The following PREX1 variants were observed in gnomAD, a reference collection of about 807,000 sequenced individuals.
The protein encoded by PREX1 is phosphatidylinositol 3,4,5-trisphosphate-dependent Rac exchanger 1 protein.
A neutral mutation model predicts 198.3 loss-of-function variants in PREX1; 41 were observed. That is an observed-to-expected ratio of 0.21 (90% CI 0.16 to 0.27). The LOEUF (loss-of-function observed/expected upper bound fraction) is 0.27, where lower values mean the gene tolerates loss of function less well. Among genes scored for constraint, PREX1 ranks in the 10% least tolerant of loss-of-function variants. The pLI is 1.00. For synonymous variants in PREX1, 843 were observed against 887.2 expected (o/e 0.95, Z 0.89); for missense variants, 1,620 against 2,200.7 (o/e 0.74, Z 5.28).
At position 48,815,722 on chromosome 20, in the gene PREX1, G is replaced by A. The variant is rs548981498; in HGVS notation, c.219+11920C>T. On this transcript the variant is annotated intron_variant, in intron 1 of 39. Transcript: ENST00000371941. ...AAATCATTTCAAGAGATGCTGGGGC[G>A]GCCGGGCACAGTGGCTCATTGCCTG... 1.5e-4 allele frequency among the ~76,000 whole-genome samples: 23 copies of A among 152,030 alleles called. No individual in the cohort carries two copies. In the East Asian group the frequency reaches 3.7e-3, roughly 24 times the overall value.
the PREX1 span, among the ~76,000 whole-genome samples, chr20:48,857,972 A>G: frequency 6.6e-6 from 1 of 152,254 alleles, no homozygotes; most frequent in Non-Finnish European, 1.5e-5. Context: ...GCCTTGGAGC[A>G]GCAAAAAGGA....
intron 1 of PREX1, among the ~76,000 whole-genome samples, chr20:48,791,156 C>T (rs1186265655): frequency 6.6e-6 from 1 of 152,174 alleles, no homozygotes; most frequent in East Asian, 1.9e-4. Flanking sequence ...CATGCACACA[C>T]ACACACACAC....
intron 24 of PREX1, 147 bp downstream of exon 24, chr20:48,649,849 G>GCT: frequency 9.9e-7 from 1 of 1,007,842 alleles, no homozygotes; most frequent in Non-Finnish European, 1.5e-6. Flanking sequence ...CACATCTAGA[G>GCT]ATGCTGTCCC....
rs753918199 is a variant in PREX1 at position 48,734,536 on chromosome 20, G to A, written c.519+10C>T. ...TGCAAGGGAGCACCAGGGCTGACGG[G>A]TCAACTTACCAAAAGGAAGGCGCGC... On this transcript the variant is annotated intron_variant, in intron 4 of 39. Transcript: ENST00000371941. 9 of 1,612,420 alleles carry A rather than the reference G, an allele frequency of 5.6e-6. No individual in the cohort carries two copies. The highest frequency in any genetic ancestry group is 2.2e-5 in the South Asian group (2 of 91,044).
At chr20:48,679,502 G>A (rs1404030792) in intron 12 of PREX1, 93 bp from the exon 13 acceptor site, 1 of 1,441,394 alleles carries the variant, frequency 6.9e-7, no homozygotes, top group African/African-American at 1.4e-5. Flanking sequence ...TTCCAGGACG[G>A]GGCAGGGCAG....
Position 48,744,067 on chromosome 20 carries a change from G to C in PREX1, c.414+958C>G, listed in dbSNP as rs190266277. ...AGTGGCCGAGTGCTGATACACCAAAGTTTCTCCACCTTGGCACCACTGACA... is the reference window on the plus strand; with the variant it reads ...AGTGGCCGAGTGCTGATACACCAAACTTTCTCCACCTTGGCACCACTGACA... On this transcript the variant is annotated intron_variant, in intron 3 of 39. Coordinates refer to ENST00000371941, the MANE Select transcript of PREX1 (RefSeq NM_020820.4). Among the ~76,000 whole-genome samples, 185 of 152,230 alleles carry C rather than the reference G, an allele frequency of 1.2e-3. 1 individual carries two copies. In the Middle Eastern group the frequency reaches 0.065, roughly 53 times the overall value.
At chr20:48,748,537 C>A (rs1323572466) in intron 1 of PREX1, among the ~76,000 whole-genome samples, 1 of 152,106 alleles carries the variant, frequency 6.6e-6, no homozygotes, top group Non-Finnish European at 1.5e-5. Context: ...ATGACCCGCA[C>A]CTGGATTTTC....
chr20:48,639,467 C>A (rs534460289), intron 30 of PREX1, among the ~76,000 whole-genome samples: 1 of 152,204 alleles, frequency 6.6e-6, no homozygotes, highest in Admixed American at 6.5e-5. Flanking sequence ...TGAGAAAGAA[C>A]AGGTTCAGCC....
At chr20:48,814,736 T>G (rs1465598883) in intron 1 of PREX1, among the ~76,000 whole-genome samples, 1 of 152,196 alleles carries the variant, frequency 6.6e-6, no homozygotes, top group Non-Finnish European at 1.5e-5. Context: ...GGACTCCTTG[T>G]GCTGTTAATG....
intron 23 of PREX1, 68 bp from the exon 24 acceptor site, chr20:48,650,274 G>C (rs546011096): frequency 6.8e-7 from 1 of 1,467,244 alleles, no homozygotes; most frequent in East Asian, 2.3e-5. Flanking sequence ...CCCATACCCA[G>C]TACCCACTTT....
At chr20:48,877,874 T>C in the PREX1 span, among the ~76,000 whole-genome samples, 1 of 152,232 alleles carries the variant, frequency 6.6e-6, no homozygotes, top group East Asian at 1.9e-4. Context: ...TTTGGGAGGC[T>C]GAGGCGGGCG....
At chr20:48,780,136 A>G (rs2090281723) in intron 1 of PREX1, among the ~76,000 whole-genome samples, 1 of 152,214 alleles carries the variant, frequency 6.6e-6, no homozygotes, top group African/African-American at 2.4e-5. Flanking sequence ...GTGTCTATAC[A>G]TATATTCCTG....
chr20:48,870,604 A>AT, the PREX1 span, among the ~76,000 whole-genome samples: 1 of 152,196 alleles, frequency 6.6e-6, no homozygotes, highest in Non-Finnish European at 1.5e-5. Flanking sequence ...ACATCCACCA[A>AT]GTGCCCTGCT....
chr20:48,788,706 A>G (rs910634110), intron 1 of PREX1, among the ~76,000 whole-genome samples: 5 of 152,158 alleles, frequency 3.3e-5, no homozygotes, highest in African/African-American at 1.2e-4. Flanking sequence ...GGAAACAAAT[A>G]CCCGCTGTGG....
intron 1 of PREX1, among the ~76,000 whole-genome samples, chr20:48,804,667 A>G (rs1238644614): frequency 6.6e-6 from 1 of 152,218 alleles, no homozygotes; most frequent in Admixed American, 6.5e-5. Flanking sequence ...GGGTGGAAGC[A>G]TGGGACAAGG....
At chr20:48,853,701 T>C in the PREX1 span, among the ~76,000 whole-genome samples, 2 of 152,096 alleles carry the variant, frequency 1.3e-5, no homozygotes, top group Non-Finnish European at 2.9e-5. Context: ...CACACACACT[T>C]GCATACACCT....
At chr20:48,725,807 T>C (rs902120348) in intron 5 of PREX1, among the ~76,000 whole-genome samples, 2 of 152,234 alleles carry the variant, frequency 1.3e-5, no homozygotes, top group Non-Finnish European at 2.9e-5. Flanking sequence ...AGTGAGACCA[T>C]GTCTCAGCTA....
At chr20:48,693,645 C>T (rs1255771955) in intron 7 of PREX1, among the ~76,000 whole-genome samples, 2 of 152,166 alleles carry the variant, frequency 1.3e-5, no homozygotes, top group African/African-American at 2.4e-5. Context: ...CTCACTCTGT[C>T]GCCCAGGCTG....
At chr20:48,707,947 A>G (rs2089910947) in intron 6 of PREX1, among the ~76,000 whole-genome samples, 1 of 152,146 alleles carries the variant, frequency 6.6e-6, no homozygotes, top group Non-Finnish European at 1.5e-5. Flanking sequence ...AGGCCTCCAC[A>G]TACCAGGCAA....
Sources: gnomAD v4.1 joint callset for allele counts (sites outside exome capture counted in the v4.1 genomes callset) on GRCh38, gnomAD v4.1.1 for gene constraint, MANE v1.5 for transcripts, NCBI Gene and HGNC (gene_info 2026-07-23, HGNC 2026-07-21) for gene names.